Variants in RAB3C observed in about 807,000 individuals in gnomAD.
RAB3C encodes the protein ras-related protein Rab-3C.
Under a neutral mutation model 26.4 loss-of-function variants are expected in RAB3C, and 17 were observed. That is an observed-to-expected ratio of 0.64 (90% CI 0.44 to 0.97). The LOEUF is 0.97. Ranked by LOEUF, RAB3C falls within the 50% of genes least tolerant of loss-of-function variation. The pLI is 0.00. For missense variants in RAB3C, 242 were observed against 281.9 expected (o/e 0.86, Z 1.01); for synonymous variants, 91 against 95.9 (o/e 0.95, Z 0.30).
intron 2 of RAB3C, among the ~76,000 whole-genome samples, chr5:58,694,283 A>G (rs1019423535): frequency 2.0e-5 from 3 of 152,158 alleles, no homozygotes; most frequent in African/African-American, 4.8e-5. Flanking sequence ...TTACGGCTGC[A>G]TAGTATTCCA....
chr5:58,640,216 C>T (rs1241975398), intron 2 of RAB3C, among the ~76,000 whole-genome samples: 1 of 152,168 alleles, frequency 6.6e-6, no homozygotes, highest in Non-Finnish European at 1.5e-5. Context: ...TCATTCTGGC[C>T]TCTTGGAAAG....
chr5:58,833,691 G>T (rs1317067390), intron 4 of RAB3C, among the ~76,000 whole-genome samples: 2 of 152,226 alleles, frequency 1.3e-5, no homozygotes, highest in East Asian at 3.8e-4. Flanking sequence ...TAGAGAGTCA[G>T]GATAGTGGAG....
At chr5:58,724,208 T>C (rs1740832095) in intron 2 of RAB3C, among the ~76,000 whole-genome samples, 1 of 151,768 alleles carries the variant, frequency 6.6e-6, no homozygotes, top group Non-Finnish European at 1.5e-5. Flanking sequence ...TATTGACCAA[T>C]TTTTGTGTGC....
intron 2 of RAB3C, among the ~76,000 whole-genome samples, chr5:58,656,971 C>T (rs1162172831): frequency 6.6e-6 from 1 of 152,190 alleles, no homozygotes; most frequent in Non-Finnish European, 1.5e-5. Flanking sequence ...ATTGCAAAAT[C>T]GTGGAACCAA....
chr5:58,725,473 C>G (rs1230110136), intron 2 of RAB3C, among the ~76,000 whole-genome samples: 1 of 151,834 alleles, frequency 6.6e-6, no homozygotes, highest in Non-Finnish European at 1.5e-5. Context: ...ATCTCTTTCT[C>G]AAGCTTTGGA....
intron 3 of RAB3C, among the ~76,000 whole-genome samples, chr5:58,824,251 A>G (rs1378659777): frequency 1.3e-5 from 2 of 151,738 alleles, no homozygotes; most frequent in Non-Finnish European, 2.9e-5. Context: ...TGCAAAAACA[A>G]TAAACTTATT....
upstream of RAB3C, chr5:58,582,498 C>G: frequency 1.3e-6 from 1 of 787,462 alleles, no homozygotes; most frequent in Non-Finnish European, 1.5e-6. Context: ...GTGTGTGTGA[C>G]TATGTACGCG....
intron 2 of RAB3C, among the ~76,000 whole-genome samples, chr5:58,632,155 A>C (rs200553655): frequency 1.3e-5 from 2 of 152,236 alleles, no homozygotes; most frequent in African/African-American, 4.8e-5. Flanking sequence ...AGAGATTCAC[A>C]TATGAAAGCA....
intron 3 of RAB3C, among the ~76,000 whole-genome samples, chr5:58,804,525 C>A (rs1742889478): frequency 6.6e-6 from 1 of 152,188 alleles, no homozygotes; most frequent in Non-Finnish European, 1.5e-5. Context: ...CCCAGAGAGG[C>A]TTTTGTCTTA....
At chr5:58,624,325 TGGGAAG>T (rs1747008629) in intron 2 of RAB3C, among the ~76,000 whole-genome samples, 1 of 151,946 alleles carries the variant, frequency 6.6e-6, no homozygotes, top group Non-Finnish European at 1.5e-5. Flanking sequence ...GTAACAACAA[TGGGAAG>T]GGGAAGCCTA....
chr5:58,587,073 A>G (rs550280296), intron 1 of RAB3C, among the ~76,000 whole-genome samples: 71 of 152,284 alleles, frequency 4.7e-4, no homozygotes, highest in African/African-American at 1.7e-3. Flanking sequence ...TCCTTACTCC[A>G]TTTGGGCTAA....
chr5:58,671,818 T>C (rs1748124115), intron 2 of RAB3C, among the ~76,000 whole-genome samples: 2 of 152,196 alleles, frequency 1.3e-5, no homozygotes, highest in South Asian at 4.1e-4. Context: ...AGAAATAGGC[T>C]ACTAGCAAAA....
At chr5:58,823,017 G>A in intron 3 of RAB3C, 1 of 611,474 alleles carries the variant, frequency 1.6e-6, no homozygotes, top group Non-Finnish European at 3.1e-6. Flanking sequence ...GTTGATAAAG[G>A]CTGTTCTGTC....
chr5:58,734,901 A>C (rs1333859611), intron 3 of RAB3C, among the ~76,000 whole-genome samples: 1 of 152,226 alleles, frequency 6.6e-6, no homozygotes, highest in East Asian at 1.9e-4. Flanking sequence ...AGGGAATTAC[A>C]AGGCTGTTGT....
At chr5:58,762,848 T>C (rs1468233078) in intron 3 of RAB3C, among the ~76,000 whole-genome samples, 3 of 152,212 alleles carry the variant, frequency 2.0e-5, no homozygotes, top group South Asian at 4.1e-4. Flanking sequence ...CAATATTTCC[T>C]AAAAGATAAT....
intron 2 of RAB3C, among the ~76,000 whole-genome samples, chr5:58,678,394 T>A (rs1000876387): frequency 1.3e-5 from 2 of 152,144 alleles, no homozygotes; most frequent in African/African-American, 4.8e-5. Context: ...AGATAGTAAT[T>A]TGTATTTTGA....
intron 3 of RAB3C, among the ~76,000 whole-genome samples, chr5:58,756,387 C>CATAT (rs71604764): frequency 0.3 from 39,268 of 131,582 alleles, 5,767 homozygotes; most frequent in Non-Finnish European, 0.34. Flanking sequence ...TACTATATAA[C>CATAT]ATATATATAT....
At chr5:58,721,287 C>G (rs2111912879) in intron 2 of RAB3C, among the ~76,000 whole-genome samples, 1 of 148,110 alleles carries the variant, frequency 6.8e-6, no homozygotes, top group Admixed American at 6.7e-5. Context: ...AGCTGTATCA[C>G]TCATGGAAGA....
intron 2 of RAB3C, among the ~76,000 whole-genome samples, chr5:58,675,537 G>T (rs982434431): frequency 7.9e-5 from 12 of 151,762 alleles, no homozygotes; most frequent in African/African-American, 2.9e-4. Context: ...TAGCAACTGG[G>T]AGTCACAGTT....
Sources: allele counts gnomAD v4.1 joint callset (sites outside exome capture counted in the v4.1 genomes callset), GRCh38; gene constraint gnomAD v4.1.1; transcripts MANE v1.5; gene names NCBI Gene and HGNC (gene_info 2026-07-23, HGNC 2026-07-21).